The following MARS1 variants were observed in gnomAD, a reference collection of about 807,000 sequenced individuals.
The protein encoded by MARS1 is methionine--tRNA ligase, cytoplasmic.
In MARS1, 80 loss-of-function variants were observed where a neutral mutation model predicts 119.5. The ratio of observed to expected loss-of-function variants is 0.67; its 90% CI spans 0.56 to 0.81. The LOEUF (loss-of-function observed/expected upper bound fraction) is 0.81, where lower values mean the gene tolerates loss of function less well. Among genes scored for constraint, MARS1 ranks in the 30% least tolerant of loss-of-function variants. The pLI is 0.00. For synonymous variants in MARS1, 418 were observed against 433.4 expected, an observed-to-expected ratio of 0.96 and a Z score of 0.44; for missense variants, 945 against 1,116.5, an observed-to-expected ratio of 0.85 and a Z score of 2.19.
At chr12:57,511,592 A>G in intron 11 of MARS1, 106 bp from the exon 12 acceptor site, 1 of 1,194,126 alleles carries the variant, frequency 8.4e-7, no homozygotes, top group Non-Finnish European at 1.2e-6. Context: ...CCAAAAAAAA[A>G]GTTATATATT....
rs754388374 is a variant in MARS1, at chr12:57,516,531, G to C, written c.2653G>C (p.Val885Leu). Residue 885 changes from valine (V) to leucine (L), a missense_variant, in exon 21 of 21, where the codon GTA becomes CTA. Coordinates refer to ENST00000262027, the MANE Select transcript of MARS1 (RefSeq NM_004990.4). ...KLLDLKKQLA[V>L]AEGKPPEAPK... ...CTTGGATCTAAAGAAACAGTTGGCT[G>C]TAGCTGAGGGGAAACCCCCTGAAGC... 2 of 1,611,316 alleles carry C rather than the reference G, an allele frequency of 1.2e-6. No individual in the cohort carries two copies. The highest frequency in any genetic ancestry group is 1.7e-6 in the Non-Finnish European group (2 of 1,179,256).
intron 11 of MARS1, among the ~76,000 whole-genome samples, chr12:57,510,333 G>C (rs989758983): frequency 6.6e-6 from 1 of 152,144 alleles, no homozygotes; most frequent in Non-Finnish European, 1.5e-5. Flanking sequence ...TTAGCCAGGC[G>C]TGGTGGCACC....
chr12:57,489,114 G>T lies in MARS1; in HGVS notation c.200+5G>T, dbSNP rs1875714595. 6.2e-7 allele frequency: 1 copy of T among 1,613,880 alleles called. No homozygotes were observed. Among genetic ancestry groups the T allele is most frequent in the Admixed American group, 1.7e-5 (1 of 59,994 alleles). On this transcript the variant is annotated splice_donor_5th_base_variant and intron_variant, in intron 2 of 20. Coordinates refer to ENST00000262027, the MANE Select transcript of MARS1 (RefSeq NM_004990.4). ...CTCCACTAGTGCAATCTGCCGGTCA[G>T]TATTGGTCCTTGGTGTAGGGAGGTG...
intron 10 of MARS1, among the ~76,000 whole-genome samples, chr12:57,502,494 G>A (rs1487951808): frequency 6.6e-6 from 1 of 151,558 alleles, no homozygotes; most frequent in Admixed American, 6.6e-5. Flanking sequence ...ATCACCTGAG[G>A]TCAGGAGTTC....
chr12:57,492,534 G>C (rs1448102671), intron 7 of MARS1, among the ~76,000 whole-genome samples: 1 of 151,110 alleles, frequency 6.6e-6, no homozygotes, highest in African/African-American at 2.4e-5. Flanking sequence ...AGCTGGGCAC[G>C]GTGGCTCGTG....
rs769280509 is a variant in MARS1, at chr12:57,498,168, C to T, written c.782C>T (p.Ala261Val). Residue 261 changes from alanine (A) to valine (V), a missense_variant, in exon 8 of 21, where the codon GCT becomes GTT. Physicochemically the swap from Ala to Val is moderately conservative, Grantham distance 64. Transcript: ENST00000262027. ...RPQQNPVLPVAGERNVLITSA... is the reference protein window; with the variant it reads ...RPQQNPVLPVVGERNVLITSA... ...TCTTTCCTTACTAGGTTGCCTGTGG[C>T]TGGAGAAAGGAATGTGCTCATCACC... is the stretch of plus-strand genomic sequence containing the variant. 6 of 1,613,148 alleles carry T rather than the reference C, an allele frequency of 3.7e-6. No homozygotes were observed. The Admixed American group carries it at 5.0e-5, about 13-fold the overall frequency.
At chr12:57,513,700 C>T (rs1877633518) in intron 15 of MARS1, among the ~76,000 whole-genome samples, 1 of 151,640 alleles carries the variant, frequency 6.6e-6, no homozygotes, top group Non-Finnish European at 1.5e-5. Context: ...ATCATTGGTG[C>T]CTATCTCAGC....
rs753118055 is a variant in MARS1 at position 57,515,908 on chromosome 12, CTTT to C, written c.2392-7_2392-5del. On this transcript the variant is annotated splice_polypyrimidine_tract_variant and intron_variant, in intron 18 of 20. Coordinates refer to ENST00000262027, the MANE Select transcript of MARS1 (RefSeq NM_004990.4). ...CCAATCAGTAGATGATTCTGGAACTCTTTTTTTACAGGTCAGTCCCTTGTTCCA... is the reference window on the plus strand; with the variant it reads ...CCAATCAGTAGATGATTCTGGAACTCTTTTACAGGTCAGTCCCTTGTTCCA... 2.9e-5 allele frequency: 46 copies of C among 1,610,348 alleles called. 1 individual carries two copies. The East Asian group carries it at 9.8e-4, about 34-fold the overall frequency.
At position 57,500,466 on chromosome 12, in the gene MARS1, G is replaced by A. The variant is rs1876869005; in HGVS notation, c.1237G>A (p.Ala413Thr). The change falls in exon 10 of 21, where the codon GCT becomes ACT. Residue 413 changes from alanine (A) to threonine (T), a missense_variant. Transcript: ENST00000262027. ...GTGTCCCTTCTGTGGCTATGAGGAGGCTCGGGGTGACCAGTGTGACAAGTG... is the reference window on the plus strand; with the variant it reads ...GTGTCCCTTCTGTGGCTATGAGGAGACTCGGGGTGACCAGTGTGACAAGTG... Reference protein sequence around the residue: ...GVCPFCGYEEARGDQCDKCGK... With the variant: ...GVCPFCGYEETRGDQCDKCGK... The A allele has an allele frequency of 6.2e-7, 1 of 1,614,202 alleles. No individual in the cohort carries two copies. Among genetic ancestry groups the A allele is most frequent in the Non-Finnish European group, 8.5e-7 (1 of 1,180,038 alleles).
chr12:57,514,452 C>G lies in MARS1; in HGVS notation c.1968-268C>G, dbSNP rs553808500. Among the ~76,000 whole-genome samples the G allele has an allele frequency of 3.9e-5, 6 of 152,234 alleles. No homozygotes were observed. The South Asian group carries it at 1.2e-3, about 32-fold the overall frequency. On this transcript the variant is annotated intron_variant, in intron 15 of 20. Transcript: ENST00000262027. ...CTGGGATTTTAGGCGTGAGCCACTG[C>G]GCCCGGCCGAGTAATGACTTCTTAA...
chr12:57,495,693 C>A (rs556804839), intron 7 of MARS1, among the ~76,000 whole-genome samples: 143 of 152,346 alleles, frequency 9.4e-4, no homozygotes, highest in African/African-American at 3.3e-3. Context: ...CACGCCACTG[C>A]ACTCCAGCCT....
At chr12:57,511,465 T>C in intron 11 of MARS1, 1 of 542,156 alleles carries the variant, frequency 1.8e-6, no homozygotes, top group East Asian at 3.2e-5. Flanking sequence ...TGGTCCCAGC[T>C]ACTGGGGAGG....
rs755863042 is a variant in MARS1, at chr12:57,490,566, A to T, written c.692A>T (p.Glu231Val). 66 of 1,613,972 alleles carry T rather than the reference A, an allele frequency of 4.1e-5. 2 individuals are homozygous for T. The South Asian group carries it at 6.8e-4, about 17-fold the overall frequency. Reference protein sequence around the residue: ...EEEELATLSEEEIAMAVTAWE... With the variant: ...EEEELATLSEVEIAMAVTAWE... ...GAGGAGCTGGCTACCCTATCTGAGG[A>T]GGAGATTGCTATGGCTGTTACTGCT... The change falls in exon 7 of 21, where the codon GAG (glutamate) becomes GTG (valine). Residue 231 changes from glutamate (E) to valine (V), a missense_variant. Transcript: ENST00000262027.
At chr12:57,498,868 T>C (rs140327699) in intron 9 of MARS1, among the ~76,000 whole-genome samples, 1 of 152,310 alleles carries the variant, frequency 6.6e-6, no homozygotes, top group Non-Finnish European at 1.5e-5. Flanking sequence ...GGGAAATATC[T>C]ATCTTCCCTC....
chr12:57,490,179 C>G (rs1322946564), intron 5 of MARS1, 28 bp from the exon 6 acceptor site: 10 of 1,598,776 alleles, frequency 6.3e-6, no homozygotes, highest in Non-Finnish European at 8.5e-6. Flanking sequence ...CTTATGTTTG[C>G]TGATTTTCTT....
At chr12:57,495,398 A>T (rs1876559850) in intron 7 of MARS1, among the ~76,000 whole-genome samples, 1 of 143,352 alleles carries the variant, frequency 7.0e-6, no homozygotes, top group Non-Finnish European at 1.5e-5. Context: ...CTCACATCTC[A>T]GACGGGGCGG....
At chr12:57,509,177 C>T (rs930275707) in intron 11 of MARS1, among the ~76,000 whole-genome samples, 2 of 152,040 alleles carry the variant, frequency 1.3e-5, no homozygotes, top group South Asian at 2.1e-4. Flanking sequence ...GGTGGCTTGT[C>T]TGCTTTTGAG....
rs767748362 is a variant in MARS1 at position 57,515,058 on chromosome 12, G to C, written c.2204G>C (p.Arg735Thr). 1 of 1,614,054 alleles carries C rather than the reference G, an allele frequency of 6.2e-7. No homozygotes were observed. Among genetic ancestry groups the C allele is most frequent in the South Asian group, 1.1e-5 (1 of 91,088 alleles). The change falls in exon 17 of 21, where the codon AGG becomes ACG. Residue 735 changes from arginine to threonine, a missense_variant and splice_region_variant. Physicochemically the swap from Arg to Thr is moderately conservative, Grantham distance 71 (BLOSUM62 -1). Coordinates refer to ENST00000262027, the MANE Select transcript of MARS1 (RefSeq NM_004990.4). ...WKRIKGSEAD[R>T]QRAGTVTGLA... The stretch of plus-strand genomic sequence containing the variant: ...CGGATTAAAGGCAGTGAGGCTGACA[G>C]GTAGGTAAGCGGGGAGGGTTGGCTA...
At chr12:57,488,354 T>C in intron 1 of MARS1, 155 bp downstream of exon 1, 1 of 750,410 alleles carries the variant, frequency 1.3e-6, no homozygotes, top group Non-Finnish European at 2.2e-6. Flanking sequence ...CCTTCTTCCC[T>C]CCCAGTCACA....
Sources: allele counts gnomAD v4.1 joint callset (sites outside exome capture counted in the v4.1 genomes callset), GRCh38; gene constraint gnomAD v4.1.1; transcripts MANE v1.5; gene names NCBI Gene and HGNC (gene_info 2026-07-23, HGNC 2026-07-21).